KDM3A: variants seen among roughly 807,000 people sequenced by gnomAD.
KDM3A encodes the protein lysine-specific demethylase 3A.
A neutral mutation model predicts 158.0 loss-of-function variants in KDM3A; 60 were observed. The ratio of observed to expected loss-of-function variants is 0.38; its 90% CI spans 0.31 to 0.47. The LOEUF (loss-of-function observed/expected upper bound fraction) is 0.47. Ranked by LOEUF, KDM3A falls within the 20% of genes least tolerant of loss-of-function variation. KDM3A has a pLI of 0.99. For missense variants in KDM3A, 1,319 were observed against 1,574.3 expected, an observed-to-expected ratio of 0.84 and a Z score of 2.74; for synonymous variants, 608 against 549.3, an observed-to-expected ratio of 1.11 and a Z score of -1.49.
intron 10 of KDM3A, among the ~76,000 whole-genome samples, chr2:86,468,317 A>G (rs1234955595): frequency 6.6e-6 from 1 of 152,208 alleles, no homozygotes; most frequent in African/African-American, 2.4e-5. Context: ...ATTAGGTAAC[A>G]CTCAAAAGAA....
Position 86,466,545 on chromosome 2 carries a change from A to G in KDM3A, c.1181A>G (p.Lys394Arg), listed in dbSNP as rs780571362. 92 of 1,613,864 alleles carry G rather than the reference A, an allele frequency of 5.7e-5. No homozygotes were observed. The highest frequency in any genetic ancestry group is 1.7e-6 in the Non-Finnish European group (2 of 1,179,886). Reference protein sequence around the residue: ...TEPKGSCTQPKTNTDQENRLE... With the variant: ...TEPKGSCTQPRTNTDQENRLE... ...CCAAAAGGCAGCTGTACTCAGCCTA[A>G]GACAAACACTGATCAGGAAAACAGA... Residue 394 changes from lysine (K) to arginine (R), a missense_variant, in exon 10 of 26, where the codon AAG becomes AGG. This residue lies in a region of KDM3A where 652 missense variants were observed against 627.2 expected (regional missense o/e 1.04). Transcript: ENST00000312912.
Position 86,490,943 on chromosome 2 carries a change from G to A in KDM3A, c.3636G>A (p.Trp1212Ter). ...ACGATCCTATTCATGATCAAAGCTG[G>A]TATTTAGACCGATCATTAAGAAAAC... ...ADHDPIHDQSWYLDRSLRKRL... is the reference protein window; with the variant it reads ...ADHDPIHDQS The change falls in exon 24 of 26, where the codon TGG (tryptophan) becomes TGA (stop). Residue 1212 changes from tryptophan (W) to a stop codon, truncating the protein, a stop_gained. Transcript: ENST00000312912. LOFTEE classifies it high-confidence loss of function. 6.2e-7 allele frequency: 1 copy of A among 1,613,892 alleles called. No individual in the cohort carries two copies. The highest frequency in any genetic ancestry group is 8.5e-7 in the Non-Finnish European group (1 of 1,179,834).
chr2:86,452,665 T>G (rs1672519253), intron 4 of KDM3A, among the ~76,000 whole-genome samples: 1 of 152,204 alleles, frequency 6.6e-6, no homozygotes, highest in African/African-American at 2.4e-5. Context: ...CATACCTGAC[T>G]TGTTTCTTTG....
At chr2:86,448,913 T>C (rs2104627871) in intron 2 of KDM3A, among the ~76,000 whole-genome samples, 1 of 152,294 alleles carries the variant, frequency 6.6e-6, no homozygotes, top group African/African-American at 2.4e-5. Context: ...AGCATATTTA[T>C]AATAGGTTAA....
intron 23 of KDM3A, chr2:86,489,865 C>T (rs2104716816): frequency 4.3e-6 from 2 of 468,262 alleles, no homozygotes; most frequent in South Asian, 5.6e-5. Context: ...AAAAGCAGGC[C>T]TTGTCTTTTA....
intron 12 of KDM3A, among the ~76,000 whole-genome samples, chr2:86,475,960 T>C (rs1195594016): frequency 6.6e-6 from 1 of 152,148 alleles, no homozygotes; most frequent in South Asian, 2.1e-4. Context: ...CATTCCCAGC[T>C]CTAGGAATCC....
intron 5 of KDM3A, 26 bp from the exon 6 acceptor site, chr2:86,456,416 A>ATTTT (rs11431031): frequency 5.7e-4 from 598 of 1,056,880 alleles, no homozygotes; most frequent in South Asian, 1.7e-3. Flanking sequence ...TTGCTCTAAG[A>ATTTT]TTTTTTTTTT....
chr2:86,470,443 G>GC, intron 11 of KDM3A, 35 bp downstream of exon 11: 1 of 1,567,154 alleles, frequency 6.4e-7, no homozygotes, highest in South Asian at 1.1e-5. Context: ...GATAATCTGG[G>GC]CATACTTGTT....
chr2:86,461,122 C>T (rs1021396727), intron 8 of KDM3A, among the ~76,000 whole-genome samples: 5 of 152,100 alleles, frequency 3.3e-5, no homozygotes, highest in African/African-American at 4.8e-5. Context: ...GTAAAGTATA[C>T]TTCATGGGAA....
At position 86,482,041 on chromosome 2, in the gene KDM3A, C is replaced by T. The variant is rs1313801180; in HGVS notation, c.2624C>T (p.Thr875Ile). 6.2e-7 allele frequency: 1 copy of T among 1,614,150 alleles called. No individual in the cohort carries two copies. The highest frequency in any genetic ancestry group is 1.1e-5 in the South Asian group (1 of 91,080). Residue 875 changes from threonine (T) to isoleucine (I), a missense_variant, in exon 17 of 26, where the codon ACA becomes ATA. Thr to Ile is a moderately conservative substitution (Grantham distance 89). Coordinates refer to ENST00000312912, the MANE Select transcript of KDM3A (RefSeq NM_018433.6). ...VLHTFNSTILTPVSNNNSGFL... is the reference protein window; with the variant it reads ...VLHTFNSTILIPVSNNNSGFL... ...CATACGTTTAACAGCACAATTTTGACACCCGTAAGCAACAACAATTCTGGT... is the reference window on the plus strand; with the variant it reads ...CATACGTTTAACAGCACAATTTTGATACCCGTAAGCAACAACAATTCTGGT...
At chr2:86,462,201 GT>G (rs370408258) in intron 8 of KDM3A, among the ~76,000 whole-genome samples, 121 of 146,408 alleles carry the variant, frequency 8.3e-4, no homozygotes, top group Admixed American at 1.9e-3. Context: ...TAGATGGAGG[GT>G]TTTTTTTTTT....
At chr2:86,459,302 T>C (rs1672830349) in intron 8 of KDM3A, among the ~76,000 whole-genome samples, 1 of 152,154 alleles carries the variant, frequency 6.6e-6, no homozygotes, top group Non-Finnish European at 1.5e-5. Flanking sequence ...AAGTAATCCA[T>C]AGTATTAGAA....
chr2:86,462,090 A>G (rs543454111), intron 8 of KDM3A, among the ~76,000 whole-genome samples: 1 of 152,304 alleles, frequency 6.6e-6, no homozygotes, highest in African/African-American at 2.4e-5. Flanking sequence ...GCTTAGGGGA[A>G]AGATGGTAGT....
intron 20 of KDM3A, 51 bp from the exon 21 acceptor site, chr2:86,485,678 T>G (rs1167142234): frequency 2.5e-6 from 4 of 1,601,824 alleles, no homozygotes; most frequent in Non-Finnish European, 3.4e-6. Flanking sequence ...TACACAATAA[T>G]GAATTAGAAA....
chr2:86,491,835 AG>A (rs1674471008), intron 25 of KDM3A: 1 of 561,968 alleles, frequency 1.8e-6, no homozygotes, highest in East Asian at 2.9e-5. Context: ...GGGGAAAATG[AG>A]TTCTTGAAAT....
chr2:86,480,012 A>T (rs991829920), intron 15 of KDM3A, 155 bp from the exon 16 acceptor site: 2 of 626,074 alleles, frequency 3.2e-6, no homozygotes, highest in African/African-American at 3.7e-5. Context: ...CTAGTGCGGG[A>T]TTACTGCAGC....
chr2:86,454,616 A>T (rs928584045), intron 4 of KDM3A, among the ~76,000 whole-genome samples: 1 of 149,466 alleles, frequency 6.7e-6, no homozygotes, highest in South Asian at 2.1e-4. Flanking sequence ...TATATAAAAT[A>T]AAAAAAAAAC....
chr2:86,447,288 CT>C (rs751507169), intron 2 of KDM3A, among the ~76,000 whole-genome samples: 339 of 135,544 alleles, frequency 2.5e-3, no homozygotes, highest in Middle Eastern at 3.7e-3. Flanking sequence ...AGGAGGTAAA[CT>C]TTTTTTTTTT....
intron 5 of KDM3A, among the ~76,000 whole-genome samples, 194 bp from the exon 6 acceptor site, chr2:86,456,248 G>A (rs1672690454): frequency 1.3e-5 from 2 of 151,938 alleles, no homozygotes; most frequent in Admixed American, 6.6e-5. Flanking sequence ...ACTTTGGTCC[G>A]ATACAAAATA....
Sources: allele counts gnomAD v4.1 joint callset (sites outside exome capture counted in the v4.1 genomes callset), GRCh38; gene constraint gnomAD v4.1.1; regional missense constraint gnomAD v4.1.1; transcripts MANE v1.5; gene names NCBI Gene and HGNC (gene_info 2026-07-23, HGNC 2026-07-21).